The following XPR1 variants were observed in gnomAD, a reference collection of about 807,000 sequenced individuals.
XPR1 encodes the protein xenotropic and polytropic retrovirus receptor 1, also known as solute carrier family 53 member 1.
A neutral mutation model predicts 87.5 loss-of-function variants in XPR1; 28 were observed. The ratio of observed to expected loss-of-function variants is 0.32; its 90% CI spans 0.24 to 0.44. The LOEUF (loss-of-function observed/expected upper bound fraction) is 0.44, where lower values mean the gene tolerates loss of function less well. Among genes scored for constraint, XPR1 ranks in the 20% least tolerant of loss-of-function variants. The probability of loss-of-function intolerance (pLI) is 1.00; values close to 1 mark genes in which losing one functional copy is unlikely to be tolerated. For missense variants in XPR1, 559 were observed against 862.3 expected (o/e 0.65, Z 4.41); for synonymous variants, 300 against 306.1 (o/e 0.98, Z 0.21).
intron 1 of XPR1, among the ~76,000 whole-genome samples, chr1:180,660,964 A>G (rs529350329): frequency 1.7e-3 from 253 of 152,202 alleles, no homozygotes; most frequent in African/African-American, 5.8e-3. Flanking sequence ...TCCAGTTCTT[A>G]CTGTACTGGA....
intron 11 of XPR1, among the ~76,000 whole-genome samples, chr1:180,848,434 T>C (rs1294839025): frequency 6.6e-6 from 1 of 152,216 alleles, no homozygotes; most frequent in Non-Finnish European, 1.5e-5. Flanking sequence ...TGTGCCTGGC[T>C]TATTTCACAT....
intron 1 of XPR1, among the ~76,000 whole-genome samples, chr1:180,667,965 T>C (rs1302667063): frequency 1.3e-5 from 2 of 152,076 alleles, no homozygotes; most frequent in African/African-American, 4.8e-5. Context: ...GCAATTTGTG[T>C]CTTCTCTCTT....
At chr1:180,653,412 AT>A (rs1655355088) in intron 1 of XPR1, among the ~76,000 whole-genome samples, 1 of 152,144 alleles carries the variant, frequency 6.6e-6, no homozygotes, top group African/African-American at 2.4e-5. Flanking sequence ...TAAGAGGTAA[AT>A]TTTAGAAAGT....
At chr1:180,879,840 A>G (rs1652787853) in intron 13 of XPR1, among the ~76,000 whole-genome samples, 1 of 152,220 alleles carries the variant, frequency 6.6e-6, no homozygotes, top group Admixed American at 6.5e-5. Context: ...AGTTGAAAGA[A>G]TGAGCACTCT....
intron 2 of XPR1, among the ~76,000 whole-genome samples, chr1:180,762,709 T>G (rs578088156): frequency 2.0e-5 from 3 of 152,350 alleles, no homozygotes; most frequent in Non-Finnish European, 4.4e-5. Flanking sequence ...AAGTCTATAA[T>G]GCTAATGAAA....
intron 2 of XPR1, among the ~76,000 whole-genome samples, chr1:180,704,086 A>C (rs961060295): frequency 1.1e-4 from 17 of 151,110 alleles, no homozygotes; most frequent in African/African-American, 3.9e-4. Flanking sequence ...TTTGTCTCCC[A>C]GAGTCTGGAT....
At chr1:180,847,031 T>A (rs930536463) in intron 11 of XPR1, among the ~76,000 whole-genome samples, 3 of 152,184 alleles carry the variant, frequency 2.0e-5, no homozygotes, top group African/African-American at 7.2e-5. Context: ...ATCTTTCTTT[T>A]AAAGGTAGAA....
intron 1 of XPR1, among the ~76,000 whole-genome samples, chr1:180,649,221 C>T (rs376245781): frequency 2.0e-5 from 3 of 151,422 alleles, no homozygotes; most frequent in Admixed American, 6.6e-5. Flanking sequence ...GTCAGGTGAT[C>T]GAGACCATCC....
chr1:180,833,513 AC>A (rs1651153062), intron 9 of XPR1, among the ~76,000 whole-genome samples: 1 of 150,908 alleles, frequency 6.6e-6, no homozygotes, highest in Non-Finnish European at 1.5e-5. Flanking sequence ...GCAAAAAAAA[AC>A]ACAAAAAAAA....
chr1:180,634,036 A>G (rs1654684195), intron 1 of XPR1, among the ~76,000 whole-genome samples: 1 of 152,212 alleles, frequency 6.6e-6, no homozygotes, highest in Non-Finnish European at 1.5e-5. Flanking sequence ...TGGAAGGAGA[A>G]GCATACGATT....
chr1:180,775,870 G>A (rs10753223), intron 2 of XPR1, among the ~76,000 whole-genome samples: 72,678 of 151,962 alleles, frequency 0.48, 17,876 homozygotes, highest in African/African-American at 0.5. Flanking sequence ...CCAGATATAT[G>A]TGGATATATT....
chr1:180,765,801 G>T (rs1648263008), intron 2 of XPR1, among the ~76,000 whole-genome samples: 1 of 151,742 alleles, frequency 6.6e-6, no homozygotes, highest in Admixed American at 6.6e-5. Context: ...CCAAGGATGG[G>T]GAACCCATGA....
At position 180,808,336 on chromosome 1, in the gene XPR1, C is replaced by A. The variant is rs564753375; in HGVS notation, c.681+1779C>A. ...CATCCATACTTCACAACATACAGTT[C>A]TAAATGTACCATAGATCTAAATGAA... On this transcript the variant is annotated intron_variant, in intron 6 of 14. Coordinates refer to ENST00000367590, the MANE Select transcript of XPR1 (RefSeq NM_004736.4). 1.5e-4 allele frequency among the ~76,000 whole-genome samples: 23 copies of A among 149,748 alleles called. No homozygotes were observed. The East Asian group carries it at 4.5e-3, about 29-fold the overall frequency.
intron 2 of XPR1, among the ~76,000 whole-genome samples, chr1:180,776,241 A>T (rs1029846491): frequency 2.0e-5 from 3 of 152,116 alleles, no homozygotes; most frequent in African/African-American, 7.2e-5. Context: ...AGGCATTCAA[A>T]GATTGACATT....
At chr1:180,737,489 ACTT>A (rs1405439000) in intron 2 of XPR1, among the ~76,000 whole-genome samples, 7 of 152,206 alleles carry the variant, frequency 4.6e-5, no homozygotes, top group Non-Finnish European at 8.8e-5. Context: ...AGTGAAATTG[ACTT>A]CTTGTACAGT....
chr1:180,831,175 C>T (rs985376272), intron 9 of XPR1, among the ~76,000 whole-genome samples: 7 of 152,064 alleles, frequency 4.6e-5, no homozygotes, highest in African/African-American at 1.7e-4. Context: ...TCCTACTTAT[C>T]CTCTGTAAGC....
At chr1:180,740,588 C>T (rs1323957728) in intron 2 of XPR1, among the ~76,000 whole-genome samples, 1 of 152,114 alleles carries the variant, frequency 6.6e-6, no homozygotes, top group Non-Finnish European at 1.5e-5. Flanking sequence ...ATTTTTACAT[C>T]TCTTTATAAG....
intron 2 of XPR1, among the ~76,000 whole-genome samples, chr1:180,786,203 T>C (rs1425065908): frequency 2.7e-5 from 4 of 149,646 alleles, no homozygotes; most frequent in African/African-American, 9.7e-5. Context: ...ATAAAATAAA[T>C]AGATTCAGCA....
chr1:180,858,465 T>A (rs1652107428), intron 11 of XPR1, among the ~76,000 whole-genome samples: 1 of 152,264 alleles, frequency 6.6e-6, no homozygotes, highest in Non-Finnish European at 1.5e-5. Context: ...TAATGTTACT[T>A]CATGGTTTTA....
Sources: allele counts gnomAD v4.1 joint callset (sites outside exome capture counted in the v4.1 genomes callset), GRCh38; gene constraint gnomAD v4.1.1; transcripts MANE v1.5; gene names NCBI Gene and HGNC (gene_info 2026-07-23, HGNC 2026-07-21).